Variants in SYN2 observed in about 807,000 individuals in gnomAD.
The protein encoded by SYN2 is synapsin II, also known as synapsin-2.
In SYN2, 19 loss-of-function variants were observed where a neutral mutation model predicts 50.9. That is an observed-to-expected ratio of 0.37 (90% CI 0.26 to 0.55). SYN2 has a LOEUF of 0.55. Among genes scored for constraint, SYN2 ranks in the 20% least tolerant of loss-of-function variants. The pLI, the probability that SYN2 is intolerant of heterozygous loss-of-function variation, is 0.81. For synonymous variants in SYN2, 255 were observed against 224.9 expected (o/e 1.13, Z -1.20); for missense variants, 587 against 576.4 (o/e 1.02, Z -0.19).
chr3:12,157,774 G>T (rs1697501650), intron 5 of SYN2, among the ~76,000 whole-genome samples: 1 of 152,184 alleles, frequency 6.6e-6, no homozygotes, highest in Non-Finnish European at 1.5e-5. Context: ...TTGTGCAGTG[G>T]GGCACAGGGT....
intron 1 of SYN2, among the ~76,000 whole-genome samples, chr3:12,121,229 G>A (rs1488535600): frequency 1.3e-5 from 2 of 152,150 alleles, no homozygotes; most frequent in South Asian, 2.1e-4. Context: ...GAGTGTACCT[G>A]TCTCTTTCTG....
At chr3:12,057,184 C>T (rs1336612574) in intron 1 of SYN2, among the ~76,000 whole-genome samples, 4 of 151,748 alleles carry the variant, frequency 2.6e-5, no homozygotes, top group Non-Finnish European at 5.9e-5. Flanking sequence ...CCCAGCTATT[C>T]GGGAGGCTGA....
At chr3:12,069,621 T>A (rs1053657858) in intron 1 of SYN2, among the ~76,000 whole-genome samples, 10 of 152,158 alleles carry the variant, frequency 6.6e-5, no homozygotes, top group Non-Finnish European at 1.2e-4. Flanking sequence ...TAATTCTCTT[T>A]AATGTTTTGA....
intron 1 of SYN2, among the ~76,000 whole-genome samples, chr3:12,110,542 C>G (rs966810330): frequency 1.3e-5 from 2 of 152,242 alleles, no homozygotes; most frequent in African/African-American, 4.8e-5. Flanking sequence ...AGCAGAGGTT[C>G]TCTGTGAGAG....
At chr3:12,006,445 G>C (rs1202047990) in intron 1 of SYN2, among the ~76,000 whole-genome samples, 2 of 152,196 alleles carry the variant, frequency 1.3e-5, no homozygotes, top group Non-Finnish European at 2.9e-5. Context: ...TACGGAGGAA[G>C]GGAAGGTAAC....
chr3:12,086,510 C>A (rs1275692927), intron 1 of SYN2, among the ~76,000 whole-genome samples: 1 of 152,104 alleles, frequency 6.6e-6, no homozygotes, highest in Non-Finnish European at 1.5e-5. Flanking sequence ...TTTAAAAGAT[C>A]ATTCACCGTG....
In SYN2 at chr3:12,011,634, A is replaced by G. The variant is rs145044157; in HGVS notation, c.377+6706A>G. On this transcript the variant is annotated intron_variant, in intron 1 of 12. Coordinates refer to ENST00000621198, the MANE Select transcript of SYN2 (RefSeq NM_133625.6). ...CTTCTTTCCTTTTCAGCAGCATGAA[A>G]CAATGTGAGATACAGGATTGAGGGT... Among the ~76,000 whole-genome samples the G allele has an allele frequency of 3.4e-3, 518 of 152,324 alleles. 2 individuals carry two copies. The highest frequency in any genetic ancestry group is 6.8e-3 in the Middle Eastern group (2 of 294).
At chr3:12,161,761 A>G in intron 6 of SYN2, 153 bp downstream of exon 6, 1 of 1,023,460 alleles carries the variant, frequency 9.8e-7, no homozygotes, top group Non-Finnish European at 1.4e-6. Context: ...AGTGTCACCC[A>G]ACCAGACCTC....
intron 1 of SYN2, among the ~76,000 whole-genome samples, chr3:12,014,543 A>G (rs1693979982): frequency 6.6e-6 from 1 of 152,234 alleles, no homozygotes; most frequent in Non-Finnish European, 1.5e-5. Context: ...AGTCCATGGC[A>G]GCTCTGAGCA....
intron 1 of SYN2, among the ~76,000 whole-genome samples, chr3:12,018,467 G>C (rs1434023726): frequency 6.6e-6 from 1 of 152,120 alleles, no homozygotes; most frequent in African/African-American, 2.4e-5. Context: ...TAGCTAATCT[G>C]GTTGGAAATT....
intron 1 of SYN2, among the ~76,000 whole-genome samples, chr3:12,038,367 T>C (rs1694545752): frequency 6.6e-6 from 1 of 152,160 alleles, no homozygotes; most frequent in Non-Finnish European, 1.5e-5. Context: ...CATCTAACTT[T>C]GTTGTTTTTT....
chr3:12,103,850 G>A (rs1028500414), intron 1 of SYN2, among the ~76,000 whole-genome samples: 5 of 152,258 alleles, frequency 3.3e-5, no homozygotes, highest in African/African-American at 1.2e-4. Flanking sequence ...AATGAAAAAA[G>A]CACAGTCGAG....
At chr3:12,053,832 G>A (rs562057774) in intron 1 of SYN2, among the ~76,000 whole-genome samples, 5 of 151,974 alleles carry the variant, frequency 3.3e-5, no homozygotes, top group East Asian at 1.9e-4. Context: ...TGTAAACCTC[G>A]AATAATTAAA....
rs548414846 is a variant in SYN2, at chr3:12,045,874, A to G, written c.377+40946A>G. Among the ~76,000 whole-genome samples, 11 of 152,350 alleles carry G rather than the reference A, an allele frequency of 7.2e-5. No individual in the cohort carries two copies. The South Asian group carries it at 1.0e-3, about 14-fold the overall frequency. The stretch of plus-strand genomic sequence containing the variant: ...AAAAGTTAAAATCAGTTATGCTTTT[A>G]AAAAATGAGGCTTGAATTTACAGCA... On this transcript the variant is annotated intron_variant, in intron 1 of 12. Transcript: ENST00000621198.
chr3:12,022,027 AC>A (rs1694148983), intron 1 of SYN2, among the ~76,000 whole-genome samples: 1 of 151,486 alleles, frequency 6.6e-6, no homozygotes, highest in South Asian at 2.1e-4. Context: ...CTGAGATCAC[AC>A]TGCCTCACTC....
At chr3:12,187,324 T>G in intron 11 of SYN2, 45 bp from the exon 12 acceptor site, 1 of 1,484,208 alleles carries the variant, frequency 6.7e-7, no homozygotes, top group Non-Finnish European at 9.0e-7. Flanking sequence ...TAAGGAAACA[T>G]TTTTATATGG....
chr3:12,183,851 C>T, intron 11 of SYN2: 1 of 1,026,914 alleles, frequency 9.7e-7, no homozygotes, highest in African/African-American at 1.7e-5. Context: ...CCTCTCCTCC[C>T]CCCAAGCTCA....
At chr3:12,024,619 G>A (rs1242726476) in intron 1 of SYN2, among the ~76,000 whole-genome samples, 7 of 152,072 alleles carry the variant, frequency 4.6e-5, no homozygotes, top group Admixed American at 4.6e-4. Flanking sequence ...GATAGCATTA[G>A]TTCATTCTTT....
intron 1 of SYN2, among the ~76,000 whole-genome samples, chr3:12,058,883 T>C (rs1476770523): frequency 6.6e-6 from 1 of 152,218 alleles, no homozygotes; most frequent in Non-Finnish European, 1.5e-5. Flanking sequence ...TGTTTTCTCT[T>C]ATAAACCCAA....
Sources: allele counts gnomAD v4.1 joint callset (sites outside exome capture counted in the v4.1 genomes callset), GRCh38; gene constraint gnomAD v4.1.1; transcripts MANE v1.5; gene names NCBI Gene and HGNC (gene_info 2026-07-23, HGNC 2026-07-21).